CDK19: variants seen among roughly 807,000 people sequenced by gnomAD.
CDK19 encodes the protein cyclin dependent kinase 19.
CDK19 carries 20 observed loss-of-function variants against 68.3 expected under a neutral mutation model. That is an observed-to-expected ratio of 0.29 (90% CI 0.21 to 0.43). The LOEUF (loss-of-function observed/expected upper bound fraction) is 0.43. Ranked by LOEUF, CDK19 falls within the 20% of genes least tolerant of loss-of-function variation. The pLI is 1.00. For missense variants in CDK19, 339 were observed against 623.5 expected (o/e 0.54, Z 4.86); for synonymous variants, 221 against 222.8 (o/e 0.99, Z 0.07).
chr6:110,740,179 C>CTA (rs1777548727), intron 2 of CDK19, among the ~76,000 whole-genome samples: 1 of 152,050 alleles, frequency 6.6e-6, no homozygotes, highest in Non-Finnish European at 1.5e-5. Context: ...CAGCCTTTTT[C>CTA]TATATTGTCT....
chr6:110,814,875 C>G lies in CDK19; in HGVS notation c.128+134G>C, dbSNP rs956809783. On this transcript the variant is annotated intron_variant, in intron 1 of 12. Coordinates refer to ENST00000368911, the MANE Select transcript of CDK19 (RefSeq NM_015076.5). ...AACGGGCGCCCCTCGGAGTCGGTGTCCGGACGCAACCCCGCGACCCCCTCC... is the reference window on the plus strand; with the variant it reads ...AACGGGCGCCCCTCGGAGTCGGTGTGCGGACGCAACCCCGCGACCCCCTCC... 12 of 1,221,420 alleles carry G rather than the reference C, an allele frequency of 9.8e-6. No homozygotes were observed. The Admixed American group carries it at 1.8e-4, about 19-fold the overall frequency. 75.7% of individuals were successfully genotyped at this position (1,221,420 alleles called of 1,614,324 possible). A position where few individuals can be genotyped will look rare whatever the true frequency, so the allele number is the denominator to read the frequency against.
At chr6:110,788,697 T>C (rs1241173361) in intron 1 of CDK19, among the ~76,000 whole-genome samples, 1 of 152,114 alleles carries the variant, frequency 6.6e-6, no homozygotes, top group African/African-American at 2.4e-5. Flanking sequence ...AAGTGCAAGG[T>C]TTTTACACCT....
At chr6:110,619,516 C>A (rs1374296464) in intron 12 of CDK19, among the ~76,000 whole-genome samples, 1 of 151,424 alleles carries the variant, frequency 6.6e-6, no homozygotes, top group African/African-American at 2.4e-5. Context: ...GGAGGGAGCT[C>A]TGTGAGTCTT....
chr6:110,619,132 A>G (rs1347955046), intron 12 of CDK19, among the ~76,000 whole-genome samples: 1 of 152,196 alleles, frequency 6.6e-6, no homozygotes, highest in Non-Finnish European at 1.5e-5. Context: ...GTATCTATTC[A>G]TTTAATAGAT....
At position 110,804,582 on chromosome 6, in the gene CDK19, G is replaced by A. The variant is rs373661591; in HGVS notation, c.128+10427C>T. Among the ~76,000 whole-genome samples, 6 of 150,968 alleles carry A rather than the reference G, an allele frequency of 4.0e-5. No homozygotes were observed. In the East Asian group the frequency reaches 1.0e-3, roughly 25 times the overall value. On this transcript the variant is annotated intron_variant, in intron 1 of 12. Transcript: ENST00000368911. The stretch of plus-strand genomic sequence containing the variant: ...GCCAGGCTGGTCTCGAACTGACCTC[G>A]TGATCCGCCCACCTCGGCCTCCCAA...
chr6:110,715,231 T>C (rs2114711104), intron 2 of CDK19, among the ~76,000 whole-genome samples: 1 of 152,310 alleles, frequency 6.6e-6, no homozygotes, highest in South Asian at 2.1e-4. Flanking sequence ...TCTAGGACAC[T>C]GAGGACCAGC....
At chr6:110,809,658 A>G (rs1165408668) in intron 1 of CDK19, among the ~76,000 whole-genome samples, 1 of 152,216 alleles carries the variant, frequency 6.6e-6, no homozygotes, top group African/African-American at 2.4e-5. Context: ...AGCAATTACT[A>G]AAAACTTCGT....
intron 8 of CDK19, among the ~76,000 whole-genome samples, chr6:110,623,753 C>CAT (rs1014744444): frequency 1.3e-4 from 11 of 83,414 alleles, no homozygotes; most frequent in East Asian, 9.2e-4. Flanking sequence ...TATATATATA[C>CAT]ATATATATAT....
At chr6:110,623,040 C>A in intron 9 of CDK19, 128 bp from the exon 10 acceptor site, 1 of 694,360 alleles carries the variant, frequency 1.4e-6, no homozygotes, top group Admixed American at 2.2e-5. Context: ...GCAGATTATG[C>A]ATACTACATA....
intron 4 of CDK19, among the ~76,000 whole-genome samples, chr6:110,656,875 T>C (rs934825656): frequency 1.3e-5 from 2 of 152,260 alleles, no homozygotes; most frequent in Non-Finnish European, 2.9e-5. Flanking sequence ...ATAATCGCGA[T>C]ATATTCCACA....
intron 2 of CDK19, among the ~76,000 whole-genome samples, chr6:110,714,325 G>A (rs1775200179): frequency 6.6e-6 from 1 of 152,174 alleles, no homozygotes; most frequent in Admixed American, 6.5e-5. Context: ...TGATGGATAC[G>A]ACAGTTATTT....
chr6:110,635,911 T>G (rs1779749254), intron 5 of CDK19, among the ~76,000 whole-genome samples: 1 of 152,228 alleles, frequency 6.6e-6, no homozygotes, highest in Admixed American at 6.5e-5. Context: ...ATTACTAATG[T>G]TTAAAAAACA....
intron 2 of CDK19, among the ~76,000 whole-genome samples, chr6:110,739,504 C>T (rs577449891): frequency 6.6e-6 from 1 of 152,228 alleles, no homozygotes; most frequent in East Asian, 1.9e-4. Flanking sequence ...TAAGACACCT[C>T]CTCAACCTAT....
chr6:110,703,229 AT>A (rs1166378713), intron 2 of CDK19, among the ~76,000 whole-genome samples: 1 of 152,282 alleles, frequency 6.6e-6, no homozygotes, highest in Non-Finnish European at 1.5e-5. Context: ...CACATCATAG[AT>A]TATGAGCAAG....
At chr6:110,742,497 A>C (rs1462674323) in intron 2 of CDK19, among the ~76,000 whole-genome samples, 1 of 152,184 alleles carries the variant, frequency 6.6e-6, no homozygotes, top group Admixed American at 6.5e-5. Context: ...ACAAGGTCTG[A>C]CTGCCTGCGG....
chr6:110,691,821 T>C (rs886610965), intron 2 of CDK19, among the ~76,000 whole-genome samples: 1 of 150,866 alleles, frequency 6.6e-6, no homozygotes, highest in Non-Finnish European at 1.5e-5. Flanking sequence ...CTTATTTTTG[T>C]ATTTTTAGTA....
chr6:110,648,230 T>C (rs1780732021), intron 4 of CDK19, among the ~76,000 whole-genome samples: 1 of 152,114 alleles, frequency 6.6e-6, no homozygotes, highest in Non-Finnish European at 1.5e-5. Flanking sequence ...TAATTAAAGG[T>C]ATATAGATTG....
rs116774341 is a variant in CDK19, at chr6:110,761,592, G to A, written c.129-15391C>T. Among the ~76,000 whole-genome samples the A allele has an allele frequency of 4.7e-3, 709 of 152,212 alleles. 4 individuals carry two copies. The highest frequency in any genetic ancestry group is 0.034 in the Middle Eastern group (10 of 294). ...GTGCAAACCAAGACGTCCAAAAGGC[G>A]TCTGGACACACATATAGTTTAGACA... On this transcript the variant is annotated intron_variant, in intron 1 of 12. Coordinates refer to ENST00000368911, the MANE Select transcript of CDK19 (RefSeq NM_015076.5).
chr6:110,760,971 G>A (rs1024040949), intron 1 of CDK19, among the ~76,000 whole-genome samples: 2 of 152,158 alleles, frequency 1.3e-5, no homozygotes, highest in African/African-American at 4.8e-5. Context: ...AGTCTCACAG[G>A]CAAGACAGCA....
Sources: allele counts gnomAD v4.1 joint callset (sites outside exome capture counted in the v4.1 genomes callset), GRCh38; gene constraint gnomAD v4.1.1; transcripts MANE v1.5; gene names NCBI Gene and HGNC (gene_info 2026-07-23, HGNC 2026-07-21).